The following CFHR4 variants were observed in gnomAD, a reference collection of about 807,000 sequenced individuals.
CFHR4 encodes complement factor H-related protein 4.
Under a neutral mutation model 69.3 loss-of-function variants are expected in CFHR4, and 64 were observed. That is an observed-to-expected ratio of 0.92 (90% CI 0.76 to 1.14). The LOEUF (loss-of-function observed/expected upper bound fraction) is 1.14. CFHR4 is among the 50% of genes most tolerant of loss of function. CFHR4 has a pLI of 0.00. For missense variants in CFHR4, 636 were observed against 684.9 expected (o/e 0.93, Z 0.80); for synonymous variants, 244 against 237.0 (o/e 1.03, Z -0.27).
At chr1:196,904,908 G>C (rs1189101881) in intron 2 of CFHR4, among the ~76,000 whole-genome samples, 200 bp from the exon 3 acceptor site, 1 of 151,480 alleles carries the variant, frequency 6.6e-6, no homozygotes, top group Non-Finnish European at 1.5e-5. Context: ...AAGATTCTTT[G>C]CTTTTATTCT....
intron 3 of CFHR4, among the ~76,000 whole-genome samples, chr1:196,905,968 C>T (rs1254094692): frequency 2.0e-5 from 3 of 151,444 alleles, no homozygotes; most frequent in East Asian, 1.9e-4. Context: ...CAATGGAAAC[C>T]TTGCAGTGGC....
At chr1:196,900,811 A>G (rs1290737552) in intron 1 of CFHR4, among the ~76,000 whole-genome samples, 2 of 151,418 alleles carry the variant, frequency 1.3e-5, no homozygotes, top group Non-Finnish European at 2.9e-5. Context: ...ATGAAACTAA[A>G]TGAGGCATTT....
At chr1:196,917,850 G>A (rs1229553605) in intron 9 of CFHR4, among the ~76,000 whole-genome samples, 1 of 151,698 alleles carries the variant, frequency 6.6e-6, no homozygotes, top group African/African-American at 2.4e-5. Context: ...TCAAATGGGG[G>A]AAAGGAGGAT....
intron 1 of CFHR4, among the ~76,000 whole-genome samples, chr1:196,889,616 A>G (rs1656912777): frequency 6.6e-6 from 1 of 151,586 alleles, no homozygotes; most frequent in African/African-American, 2.4e-5. Context: ...TCACACCTAT[A>G]TTTCTCAAAG....
At chr1:196,908,823 G>A (rs1225207997) in intron 5 of CFHR4, among the ~76,000 whole-genome samples, 1 of 151,412 alleles carries the variant, frequency 6.6e-6, no homozygotes, top group East Asian at 1.9e-4. Flanking sequence ...CTAAGTACAG[G>A]ATGATACAAG....
At chr1:196,900,062 A>T (rs1380673745) in intron 1 of CFHR4, among the ~76,000 whole-genome samples, 1 of 151,572 alleles carries the variant, frequency 6.6e-6, no homozygotes, top group Non-Finnish European at 1.5e-5. Context: ...ATCTAAAAAA[A>T]TTAAATTTAG....
At position 196,914,541 on chromosome 1, in the gene CFHR4, T is replaced by C. The variant is rs776212142; in HGVS notation, c.1227T>C (p.Asn409=). Residue 409 remains asparagine (N), a synonymous_variant, in exon 8 of 10, where the codon AAT becomes AAC. Transcript: ENST00000608469. ...TTGAGAATTCCAGAGCCAAGAGTAA[T>C]GGCATGCGGTTTAAGCTCCATGACA... ...PVFENSRAKS[N]GMRFKLHDTL... is the part of the protein sequence containing the mutation. 46 of 1,609,474 alleles carry C rather than the reference T, an allele frequency of 2.9e-5. No individual in the cohort carries two copies. In the South Asian group the frequency reaches 3.3e-4, roughly 12 times the overall value.
chr1:196,904,226 C>T (rs375005311), intron 2 of CFHR4, among the ~76,000 whole-genome samples: 5 of 151,460 alleles, frequency 3.3e-5, no homozygotes, highest in East Asian at 3.9e-4. Context: ...AAATTGTTTA[C>T]GAGAGAAACT....
chr1:196,906,099 C>T lies in CFHR4; in HGVS notation c.440-762C>T, dbSNP rs143461079. Among the ~76,000 whole-genome samples the T allele has an allele frequency of 1.7e-3, 256 of 151,490 alleles. 8 individuals are homozygous for T. The highest frequency in any genetic ancestry group is 5.9e-3 in the African/African-American group (241 of 41,192). On this transcript the variant is annotated intron_variant, in intron 3 of 9. Transcript: ENST00000608469. ...AATTTACATACTGCAAAATCCACTT[C>T]ATTTTCAAGGGTACAATTCAACTAT...
chr1:196,902,625 C>A lies in CFHR4; in HGVS notation c.256+10C>A. 2 of 1,585,264 alleles carry A rather than the reference C, an allele frequency of 1.3e-6. No homozygotes were observed. The highest frequency in any genetic ancestry group is 1.7e-6 in the Non-Finnish European group (2 of 1,155,686). ...ACGGTCCCATGCCTCAGTAAGTAAACCTCTTTACAAGAATATGTGCATAAA... is the reference window on the plus strand; with the variant it reads ...ACGGTCCCATGCCTCAGTAAGTAAAACTCTTTACAAGAATATGTGCATAAA... On this transcript the variant is annotated intron_variant, in intron 2 of 9. Transcript: ENST00000608469.
At position 196,902,619 on chromosome 1, in the gene CFHR4, A is replaced by G. The variant is rs1349881306; in HGVS notation, c.256+4A>G. 1.3e-6 allele frequency: 2 copies of G among 1,595,748 alleles called. No individual in the cohort carries two copies. Among genetic ancestry groups the G allele is most frequent in the East Asian group, 2.2e-5 (1 of 44,724 alleles). On this transcript the variant is annotated splice_donor_region_variant and intron_variant, in intron 2 of 9. Transcript: ENST00000608469. ...TCACCAACGGTCCCATGCCTCAGTA[A>G]GTAAACCTCTTTACAAGAATATGTG...
chr1:196,901,304 C>T lies in CFHR4; in HGVS notation c.59-1114C>T, dbSNP rs1163972932. On this transcript the variant is annotated intron_variant, in intron 1 of 9. Coordinates refer to ENST00000608469, the MANE Select transcript of CFHR4 (RefSeq NM_001201550.3). ...GTGAAGAGAAATATGGACTGTAGGC[C>T]AAGAATCTATACCTAGAGAAGTTAC... Among the ~76,000 whole-genome samples the T allele has an allele frequency of 3.3e-5, 5 of 150,344 alleles. 1 individual carries two copies. The highest frequency in any genetic ancestry group is 7.4e-5 in the Non-Finnish European group (5 of 67,716).
At chr1:196,913,968 CT>C (rs1658429366) in intron 7 of CFHR4, among the ~76,000 whole-genome samples, 2 of 151,536 alleles carry the variant, frequency 1.3e-5, no homozygotes, top group African/African-American at 4.9e-5. Flanking sequence ...AAGGTGTATA[CT>C]TCAATTTTAC....
At chr1:196,892,722 A>G (rs931963394) in intron 1 of CFHR4, among the ~76,000 whole-genome samples, 2 of 151,544 alleles carry the variant, frequency 1.3e-5, no homozygotes, top group Non-Finnish European at 2.9e-5. Flanking sequence ...AATCAGCAAC[A>G]TATTTTTAAT....
Position 196,897,542 on chromosome 1 carries a change from C to T in CFHR4, c.59-4876C>T, listed in dbSNP as rs773232844. ...ACTGCAAGGTTTTATTGAGTGATGG[C>T]GGTGGTTCTCAGCAAGTTGGATAGG... On this transcript the variant is annotated intron_variant, in intron 1 of 9. Coordinates refer to ENST00000608469, the MANE Select transcript of CFHR4 (RefSeq NM_001201550.3). 2.2e-4 allele frequency among the ~76,000 whole-genome samples: 33 copies of T among 151,270 alleles called. 1 individual carries two copies. The highest frequency in any genetic ancestry group is 3.3e-4 in the Admixed American group (5 of 15,176).
intron 1 of CFHR4, among the ~76,000 whole-genome samples, chr1:196,901,630 C>A (rs1351843876): frequency 6.6e-6 from 1 of 151,050 alleles, no homozygotes; most frequent in Admixed American, 6.6e-5. Context: ...CCGAATCATC[C>A]CATGGAAATG....
At position 196,912,787 on chromosome 1, in the gene CFHR4, G is replaced by A. The variant is rs79088135; in HGVS notation, c.1045G>A (p.Glu349Lys). The A allele has an allele frequency of 5.7e-4, 914 of 1,598,694 alleles. 19 individuals carry two copies. The African/African-American group carries it at 0.011, about 19-fold the overall frequency. ...DIEIENGFISESSSIYILNKE... is the reference protein window; with the variant it reads ...DIEIENGFISKSSSIYILNKE... ...AGAAATTGAAAATGGATTCATTTCT[G>A]AATCTTCCTCTATTTATATTTTAAA... Residue 349 changes from glutamate (E) to lysine (K), a missense_variant, in exon 7 of 10, where the codon GAA (glutamate) becomes AAA (lysine). Coordinates refer to ENST00000608469, the MANE Select transcript of CFHR4 (RefSeq NM_001201550.3).
At chr1:196,890,423 G>T (rs898676034) in intron 1 of CFHR4, among the ~76,000 whole-genome samples, 3 of 151,464 alleles carry the variant, frequency 2.0e-5, no homozygotes, top group African/African-American at 4.9e-5. Flanking sequence ...AGATAAACTT[G>T]ACAGAAAATT....
At chr1:196,912,411 T>C (rs1274662686) in intron 6 of CFHR4, among the ~76,000 whole-genome samples, 11 of 151,526 alleles carry the variant, frequency 7.3e-5, no homozygotes, top group Admixed American at 7.2e-4. Flanking sequence ...ACTCAGGTTG[T>C]TGCAAAGTAG....
Sources: allele counts gnomAD v4.1 joint callset (sites outside exome capture counted in the v4.1 genomes callset), GRCh38; gene constraint gnomAD v4.1.1; transcripts MANE v1.5; gene names NCBI Gene and HGNC (gene_info 2026-07-23, HGNC 2026-07-21).